The following JAKMIP2 variants were observed in gnomAD, a reference collection of about 807,000 sequenced individuals.
JAKMIP2 encodes janus kinase and microtubule interacting protein 2.
A neutral mutation model predicts 115.0 loss-of-function variants in JAKMIP2; 25 were observed. The observed-to-expected ratio is 0.22, with a 90% CI of 0.16 to 0.30. JAKMIP2 has a LOEUF of 0.30. Ranked by LOEUF, JAKMIP2 falls within the 10% of genes least tolerant of loss-of-function variation. The pLI is 1.00. For synonymous variants in JAKMIP2, 334 were observed against 343.6 expected, an observed-to-expected ratio of 0.97 and a Z score of 0.31; for missense variants, 642 against 957.6, an observed-to-expected ratio of 0.67 and a Z score of 4.35.
intron 1 of JAKMIP2, among the ~76,000 whole-genome samples, chr5:147,707,882 A>G (rs1194407498): frequency 6.6e-6 from 1 of 152,332 alleles, no homozygotes; most frequent in East Asian, 1.9e-4. Flanking sequence ...ACAGGACAGA[A>G]TATAAGTGTT....
chr5:147,625,232 C>T (rs547270958), intron 16 of JAKMIP2, among the ~76,000 whole-genome samples: 7 of 152,260 alleles, frequency 4.6e-5, no homozygotes, highest in East Asian at 1.9e-4. Context: ...CCAGCCACCT[C>T]GACCTCCCAA....
At chr5:147,660,540 A>AACAG (rs2126778913) in intron 3 of JAKMIP2, 1 of 432,498 alleles carries the variant, frequency 2.3e-6, no homozygotes, top group Non-Finnish European at 4.6e-6. Flanking sequence ...CCTCTATAAA[A>AACAG]ACAAACAATA....
At chr5:147,702,685 A>G (rs1203046087) in intron 1 of JAKMIP2, among the ~76,000 whole-genome samples, 1 of 138,368 alleles carries the variant, frequency 7.2e-6, no homozygotes, top group African/African-American at 2.9e-5. Flanking sequence ...AAAGAGAAAG[A>G]AAGAAAAGAA....
At chr5:147,679,080 A>C (rs1257017574) in intron 1 of JAKMIP2, among the ~76,000 whole-genome samples, 1 of 151,970 alleles carries the variant, frequency 6.6e-6, no homozygotes, top group Non-Finnish European at 1.5e-5. Context: ...TCCCAGGTTC[A>C]AATAATTCTC....
chr5:147,644,637 G>A (rs1380213657), intron 6 of JAKMIP2, among the ~76,000 whole-genome samples: 1 of 152,128 alleles, frequency 6.6e-6, no homozygotes, highest in East Asian at 1.9e-4. Context: ...CAAATTCCTG[G>A]AAGCACTCCT....
intron 1 of JAKMIP2, among the ~76,000 whole-genome samples, chr5:147,698,386 G>A (rs1752190166): frequency 6.6e-6 from 1 of 152,182 alleles, no homozygotes; most frequent in Admixed American, 6.5e-5. Context: ...GCTGGAATGA[G>A]TTAAGACTTT....
chr5:147,765,245 C>G (rs754692195), intron 1 of JAKMIP2, among the ~76,000 whole-genome samples: 7 of 151,862 alleles, frequency 4.6e-5, no homozygotes, highest in Non-Finnish European at 8.8e-5. Flanking sequence ...GAATATAAAC[C>G]AATTGGTCAC....
At chr5:147,711,749 C>G (rs1167397253) in intron 1 of JAKMIP2, among the ~76,000 whole-genome samples, 1 of 152,158 alleles carries the variant, frequency 6.6e-6, no homozygotes, top group African/African-American at 2.4e-5. Flanking sequence ...CTCACTGCAA[C>G]CTCCACCTCC....
At chr5:147,642,154 A>G (rs757673769) in intron 7 of JAKMIP2, among the ~76,000 whole-genome samples, 3 of 152,206 alleles carry the variant, frequency 2.0e-5, no homozygotes, top group Non-Finnish European at 4.4e-5. Context: ...ATAAAGTAAA[A>G]CCGTATTCTT....
At chr5:147,764,938 G>GAAAGAAAGAAAGAAA (rs1561582448) in intron 1 of JAKMIP2, among the ~76,000 whole-genome samples, 2 of 93,948 alleles carry the variant, frequency 2.1e-5, no homozygotes, top group East Asian at 3.8e-4. Context: ...GAGAGAGAGA[G>GAAAGAAAGAAAGAAA]AGAGAGAGGG....
chr5:147,691,601 G>A (rs1051035706), intron 1 of JAKMIP2, among the ~76,000 whole-genome samples: 5 of 152,130 alleles, frequency 3.3e-5, no homozygotes, highest in East Asian at 3.9e-4. Context: ...GCCTTCTCCC[G>A]AACCTTGTGT....
intron 1 of JAKMIP2, among the ~76,000 whole-genome samples, chr5:147,735,330 A>G (rs1753880090): frequency 6.6e-6 from 1 of 152,218 alleles, no homozygotes; most frequent in Admixed American, 6.5e-5. Context: ...CAGGCTGCTA[A>G]TAAAGATATA....
chr5:147,772,398 T>G (rs979248131), intron 1 of JAKMIP2, among the ~76,000 whole-genome samples: 1 of 150,836 alleles, frequency 6.6e-6, no homozygotes, highest in African/African-American at 2.4e-5. Flanking sequence ...AAACTGAATG[T>G]GTAACTGAAG....
At chr5:147,612,102 A>G (rs1205514929) in intron 20 of JAKMIP2, 3 of 720,522 alleles carry the variant, frequency 4.2e-6, no homozygotes, top group South Asian at 4.1e-5. Context: ...CACAAAAGAC[A>G]AATATGTGAA....
chr5:147,741,637 G>A (rs1363732217), intron 1 of JAKMIP2, among the ~76,000 whole-genome samples: 1 of 152,120 alleles, frequency 6.6e-6, no homozygotes, highest in Non-Finnish European at 1.5e-5. Context: ...AACTGGTAAA[G>A]ATGGGTAATA....
At chr5:147,677,325 T>G (rs568516523) in intron 1 of JAKMIP2, among the ~76,000 whole-genome samples, 1 of 152,210 alleles carries the variant, frequency 6.6e-6, no homozygotes, top group South Asian at 2.1e-4. Context: ...AGCGCTGTCT[T>G]CAAGATGCTT....
At chr5:147,780,910 G>A (rs1403261604) in intron 1 of JAKMIP2, among the ~76,000 whole-genome samples, 3 of 152,044 alleles carry the variant, frequency 2.0e-5, no homozygotes, top group Non-Finnish European at 4.4e-5. Context: ...TAGCCCATGT[G>A]GTAAATGTAA....
intron 6 of JAKMIP2, 26 bp from the exon 7 acceptor site, chr5:147,644,224 G>A: frequency 6.7e-7 from 1 of 1,502,328 alleles, no homozygotes; most frequent in Non-Finnish European, 9.0e-7. Flanking sequence ...AGAAAGTACA[G>A]GTGGAGACTT....
rs556562493 is a variant in JAKMIP2, at chr5:147,670,769, G to A, written c.129+909C>T. Reference sequence around the variant, plus strand: ...GCTGTGATGTGATGAAGAAACTGAGGTATAAGGAATGCATCATCTTTAAAT... The same window carrying A: ...GCTGTGATGTGATGAAGAAACTGAGATATAAGGAATGCATCATCTTTAAAT... On this transcript the variant is annotated intron_variant, in intron 2 of 21. Coordinates refer to ENST00000616793, the MANE Select transcript of JAKMIP2 (RefSeq NM_001270941.2). 1.6e-4 allele frequency among the ~76,000 whole-genome samples: 24 copies of A among 152,192 alleles called. No individual in the cohort carries two copies. The South Asian group carries it at 4.6e-3, about 29-fold the overall frequency.
Sources: allele counts gnomAD v4.1 joint callset (sites outside exome capture counted in the v4.1 genomes callset), GRCh38; gene constraint gnomAD v4.1.1; transcripts MANE v1.5; gene names NCBI Gene and HGNC (gene_info 2026-07-23, HGNC 2026-07-21).